Variants in NFATC2 observed in about 807,000 individuals in gnomAD.
NFATC2 encodes the protein nuclear factor of activated T cells 2.
NFATC2 carries 22 observed loss-of-function variants against 87.3 expected under a neutral mutation model. The observed-to-expected ratio is 0.25, with a 90% CI of 0.18 to 0.36. The LOEUF (loss-of-function observed/expected upper bound fraction) is 0.36, where lower values mean the gene tolerates loss of function less well. NFATC2 is among the 10% of genes least tolerant of loss of function. The probability of loss-of-function intolerance (pLI) is 1.00; values close to 1 mark genes in which losing one functional copy is unlikely to be tolerated. For synonymous variants in NFATC2, 565 were observed against 542.2 expected (o/e 1.04, Z -0.58); for missense variants, 1,149 against 1,259.1 (o/e 0.91, Z 1.32).
At chr20:51,519,811 G>A (rs957628043) in intron 2 of NFATC2, among the ~76,000 whole-genome samples, 1 of 150,978 alleles carries the variant, frequency 6.6e-6, no homozygotes, top group African/African-American at 2.4e-5. Context: ...AGCTACTCAG[G>A]AGGCTGAAGC....
intron 6 of NFATC2, among the ~76,000 whole-genome samples, chr20:51,447,541 G>A (rs1054465753): frequency 1.4e-4 from 21 of 152,276 alleles, no homozygotes; most frequent in South Asian, 4.1e-4. Context: ...GCAGCGAGTC[G>A]CTCAAAGCCA....
chr20:51,470,606 T>C (rs1988115254), intron 5 of NFATC2, among the ~76,000 whole-genome samples: 1 of 152,150 alleles, frequency 6.6e-6, no homozygotes, highest in African/African-American at 2.4e-5. Flanking sequence ...CACGAAGTGT[T>C]TTTCTCACCA....
intron 1 of NFATC2, among the ~76,000 whole-genome samples, chr20:51,549,464 G>A (rs542177840): frequency 7.9e-5 from 12 of 152,196 alleles, no homozygotes; most frequent in Admixed American, 3.9e-4. Flanking sequence ...AACAAGACTG[G>A]TACATATGAA....
chr20:51,476,251 CAG>C (rs1988707820), intron 3 of NFATC2, among the ~76,000 whole-genome samples: 1 of 124,432 alleles, frequency 8.0e-6, no homozygotes, highest in Non-Finnish European at 1.6e-5. Context: ...CAACAGGCCC[CAG>C]TGTGTGATGT....
rs1461093466 is a variant in NFATC2 at position 51,445,596 on chromosome 20, G to A, written c.1849+8952C>T. ...CTGTTTGGGATTCAAATTTGACTGC[G>A]CATCCTATATTTTCCCCCCTAACTC... is the stretch of plus-strand genomic sequence containing the variant. On this transcript the variant is annotated intron_variant, in intron 6 of 10. Coordinates refer to ENST00000371564, the MANE Select transcript of NFATC2 (RefSeq NM_012340.5). Among the ~76,000 whole-genome samples, 9 of 152,124 alleles carry A rather than the reference G, an allele frequency of 5.9e-5. No homozygotes were observed. The East Asian group carries it at 9.6e-4, about 16-fold the overall frequency.
intron 1 of NFATC2, among the ~76,000 whole-genome samples, chr20:51,551,883 C>T (rs1443487584): frequency 1.3e-5 from 2 of 150,792 alleles, no homozygotes; most frequent in East Asian, 2.0e-4. Flanking sequence ...AAAAGTTAGC[C>T]GGGTGTGGTG....
chr20:51,495,194 C>A (rs549089120), intron 3 of NFATC2, among the ~76,000 whole-genome samples: 7 of 152,306 alleles, frequency 4.6e-5, no homozygotes, highest in Admixed American at 6.5e-5. Flanking sequence ...AAGCAATTCT[C>A]CCCCCTCAGC....
intron 5 of NFATC2, among the ~76,000 whole-genome samples, chr20:51,470,935 A>T (rs1988147291): frequency 6.6e-6 from 1 of 152,168 alleles, no homozygotes; most frequent in Non-Finnish European, 1.5e-5. Context: ...TGGGAACCAA[A>T]AGAAGAAAGG....
At chr20:51,404,021 G>C (rs1194144255) in intron 9 of NFATC2, among the ~76,000 whole-genome samples, 1 of 152,176 alleles carries the variant, frequency 6.6e-6, no homozygotes, top group Non-Finnish European at 1.5e-5. Context: ...TCCCATGGCT[G>C]GTCCGTGGCA....
Position 51,562,567 on chromosome 20 carries a change from C to T in NFATC2, c.63G>A (p.Val21=), listed in dbSNP as rs1255864215. ...GGATCGAGAGTCAGTTACCTTGGTC[C>T]ACAGACCCCATGATGCGGAGGGGAT... Residue 21 remains valine, a synonymous_variant, in exon 1 of 11, where the codon GTG becomes GTA. Transcript: ENST00000414705. The surrounding 1 kb of genome is among the most constrained non-coding windows in gnomAD (Gnocchi z 5.8). 3 of 1,550,866 alleles carry T rather than the reference C, an allele frequency of 1.9e-6. No homozygotes were observed. Among genetic ancestry groups the T allele is most frequent in the Non-Finnish European group, 2.6e-6 (3 of 1,146,448 alleles).
At chr20:51,469,026 T>TA (rs1491405053) in intron 5 of NFATC2, among the ~76,000 whole-genome samples, 1 of 22,730 alleles carries the variant, frequency 4.4e-5, no homozygotes, top group Non-Finnish European at 1.1e-4. Flanking sequence ...GACATCAGTA[T>TA]TTTTTTTTTT....
chr20:51,500,400 A>C (rs10854187), intron 3 of NFATC2, among the ~76,000 whole-genome samples: 40,340 of 151,938 alleles, frequency 0.27, 5,699 homozygotes, highest in East Asian at 0.46. Flanking sequence ...GTTGAAGAGA[A>C]GTTGGAACTC....
intron 9 of NFATC2, among the ~76,000 whole-genome samples, chr20:51,415,245 C>CAA (rs33978165): frequency 0.45 from 61,490 of 136,430 alleles, 15,904 homozygotes; most frequent in Non-Finnish European, 0.58. Flanking sequence ...GACCCTGTAT[C>CAA]AAAAAAAAAA....
At chr20:51,496,365 C>A (rs2075988392) in intron 3 of NFATC2, among the ~76,000 whole-genome samples, 1 of 152,038 alleles carries the variant, frequency 6.6e-6, no homozygotes, top group Admixed American at 6.6e-5. Flanking sequence ...CAATCAGAAA[C>A]AGAGTTCCCT....
intron 5 of NFATC2, 142 bp downstream of exon 5, chr20:51,473,838 A>G: frequency 1.3e-6 from 1 of 763,674 alleles, no homozygotes; most frequent in Non-Finnish European, 2.0e-6. Context: ...CCCTCTGGTC[A>G]TCTTGGGCCA....
chr20:51,398,017 C>T (rs559865941), intron 10 of NFATC2, among the ~76,000 whole-genome samples: 10 of 152,124 alleles, frequency 6.6e-5, no homozygotes, highest in East Asian at 3.9e-4. Context: ...GGAGGCCCAT[C>T]GAGGTGGATC....
intron 6 of NFATC2, among the ~76,000 whole-genome samples, chr20:51,449,390 A>T (rs1985494138): frequency 6.6e-6 from 1 of 152,140 alleles, no homozygotes; most frequent in South Asian, 2.1e-4. Context: ...TCCCCCGCAG[A>T]GAAGCCCACC....
intron 9 of NFATC2, among the ~76,000 whole-genome samples, chr20:51,413,004 C>CG (rs1187214150): frequency 7.2e-6 from 1 of 138,008 alleles, no homozygotes; most frequent in African/African-American, 2.7e-5. Context: ...CCGCCCCCCC[C>CG]CCTCCCCGCC....
chr20:51,387,018 T>G lies in NFATC2; in HGVS notation c.*4478A>C, dbSNP rs1201328351. ...CATGATACAAGCCGTATAAAAATACTTTACATATAGGAAAAATAAACTACA... is the reference window on the plus strand; with the variant it reads ...CATGATACAAGCCGTATAAAAATACGTTACATATAGGAAAAATAAACTACA... On this transcript the variant is annotated 3_prime_UTR_variant, in exon 11 of 11. Coordinates refer to ENST00000371564, the MANE Select transcript of NFATC2 (RefSeq NM_012340.5). The G allele has an allele frequency of 6.6e-6, 1 of 152,220 alleles. No individual in the cohort carries two copies. The highest frequency in any genetic ancestry group is 2.1e-4 in the South Asian group (1 of 4,826). 9.4% of individuals were successfully genotyped at this position (152,220 alleles called of 1,614,324 possible).
Sources: gnomAD v4.1 joint callset for allele counts (sites outside exome capture counted in the v4.1 genomes callset) on GRCh38, gnomAD v4.1.1 for gene constraint, Gnocchi (gnomAD v3.1) non-coding constraint, MANE v1.5 for transcripts, NCBI Gene and HGNC (gene_info 2026-07-23, HGNC 2026-07-21) for gene names.